Variants in MID1 observed in about 807,000 individuals in gnomAD.
The protein encoded by MID1 is midline 1, also known as E3 ubiquitin-protein ligase Midline-1.
In MID1, 7 loss-of-function variants were observed where a neutral mutation model predicts 40.4. That is an observed-to-expected ratio of 0.17 (90% CI 0.10 to 0.33). The LOEUF (loss-of-function observed/expected upper bound fraction) is 0.33. Ranked by LOEUF, MID1 falls within the 10% of genes least tolerant of loss-of-function variation. MID1 has a pLI of 1.00. For synonymous variants in MID1, 229 were observed against 221.2 expected, an observed-to-expected ratio of 1.04 and a Z score of -0.31; for missense variants, 367 against 558.5, an observed-to-expected ratio of 0.66 and a Z score of 3.46.
chrX:10,585,074 C>G (rs999485082), intron 1 of MID1, among the ~76,000 whole-genome samples: 5 of 111,102 alleles, frequency 4.5e-5, no homozygotes, highest in Non-Finnish European at 9.4e-5. Flanking sequence ...TTCCTATAAT[C>G]TATAGATAAC....
In MID1 at chrX:10,473,421, T is replaced by C. The variant is rs1270504996; in HGVS notation, c.1141+1202A>G. Among the ~76,000 whole-genome samples, 4 of 112,266 alleles carry C rather than the reference T, an allele frequency of 3.6e-5. No homozygotes were observed. In the East Asian group the frequency reaches 1.1e-3, roughly 31 times the overall value. Reference sequence around the variant, plus strand: ...TACATAAGATAAGAAGTTTGTGGAATGCCTGCCTGCCTTGCTTGACAATGC... The same window carrying C: ...TACATAAGATAAGAAGTTTGTGGAACGCCTGCCTGCCTTGCTTGACAATGC... On this transcript the variant is annotated intron_variant, in intron 6 of 9. Coordinates refer to ENST00000317552, the MANE Select transcript of MID1 (RefSeq NM_000381.4).
intron 1 of MID1, among the ~76,000 whole-genome samples, chrX:10,722,431 C>T (rs2043362470): frequency 8.9e-6 from 1 of 111,855 alleles, no homozygotes; most frequent in Non-Finnish European, 1.9e-5. Flanking sequence ...ATGGCCATTC[C>T]AGTGGGGGAA....
At chrX:10,742,984 C>T (rs1367944165) in intron 1 of MID1, among the ~76,000 whole-genome samples, 4 of 112,716 alleles carry the variant, frequency 3.5e-5, no homozygotes, top group Non-Finnish European at 5.6e-5. Context: ...TTTCAAAAGT[C>T]TTCCTTTAAA....
intron 1 of MID1, among the ~76,000 whole-genome samples, chrX:10,625,957 AT>A (rs1225542947): frequency 1.8e-5 from 2 of 111,726 alleles, no homozygotes; most frequent in African/African-American, 6.5e-5. Flanking sequence ...CCCCATCTAA[AT>A]TGTAGCAGGA....
chrX:10,757,512 A>G (rs1313858153), intron 1 of MID1, among the ~76,000 whole-genome samples: 1 of 112,487 alleles, frequency 8.9e-6, no homozygotes, highest in East Asian at 2.8e-4. Context: ...GAAAACTAAA[A>G]TGAATACTTG....
chrX:10,646,303 G>A (rs748644609), intron 1 of MID1, among the ~76,000 whole-genome samples: 1 of 112,223 alleles, frequency 8.9e-6, no homozygotes, highest in East Asian at 2.8e-4. Flanking sequence ...CTGGGAAGAA[G>A]CTGAGTGGCC....
At chrX:10,647,177 T>C (rs992155207) in intron 1 of MID1, among the ~76,000 whole-genome samples, 43 of 111,897 alleles carry the variant, frequency 3.8e-4, no homozygotes, top group Admixed American at 1.3e-3. Context: ...CTTTACTCTT[T>C]GATAGAGAAA....
chrX:10,616,473 C>T (rs1233964412), intron 1 of MID1, among the ~76,000 whole-genome samples: 3 of 112,021 alleles, frequency 2.7e-5, no homozygotes, highest in Non-Finnish European at 5.6e-5. Context: ...AAACAAATTA[C>T]TCTTTGTCCA....
At chrX:10,492,882 G>A (rs963163182) in intron 4 of MID1, among the ~76,000 whole-genome samples, 6 of 111,928 alleles carry the variant, frequency 5.4e-5, no homozygotes, top group African/African-American at 1.6e-4. Context: ...GGGGTAGAAC[G>A]AGTGCACCGA....
At chrX:10,642,230 C>T in intron 1 of MID1, among the ~76,000 whole-genome samples, 1 of 111,546 alleles carries the variant, frequency 9.0e-6, no homozygotes, top group Non-Finnish European at 1.9e-5. Context: ...TCAAATTGTC[C>T]CTCTTTGCAG....
At chrX:10,664,787 A>G (rs1569141752) in intron 1 of MID1, among the ~76,000 whole-genome samples, 2 of 112,084 alleles carry the variant, frequency 1.8e-5, no homozygotes, top group Admixed American at 9.5e-5. Flanking sequence ...ACTAACCATC[A>G]AAGTCCTTTC....
intron 3 of MID1, among the ~76,000 whole-genome samples, chrX:10,521,908 C>T (rs1245018698): frequency 8.9e-6 from 1 of 112,200 alleles, no homozygotes. Context: ...GGTGCAATCT[C>T]AGCTCACTGC....
Position 10,649,734 on chromosome X carries a change from AT to A in MID1, c.-186-29316del, listed in dbSNP as rs762481899. Among the ~76,000 whole-genome samples the A allele has an allele frequency of 2.7e-5, 3 of 111,940 alleles. No homozygotes were observed. The East Asian group carries it at 8.4e-4, about 31-fold the overall frequency. The stretch of plus-strand genomic sequence containing the variant: ...CAATGTGGAATACTGTTGATTTGGC[AT>A]GGGGAATGATCTTCAAACTTTAGTT... On this transcript the variant is annotated intron_variant, in intron 1 of 10. Coordinates refer to the MID1 transcript ENST00000380785.
rs939511816 is a variant in MID1 at position 10,591,858 on chromosome X, C to T, written c.-56-24255G>A. On this transcript the variant is annotated intron_variant, in intron 1 of 9. Coordinates refer to ENST00000317552, the MANE Select transcript of MID1 (RefSeq NM_000381.4). Reference sequence around the variant, plus strand: ...ACTCCAAAACCTCTATTTTTTCCCCCGGGTCTACCCTGTATCTCACAAAAC... The same window carrying T: ...ACTCCAAAACCTCTATTTTTTCCCCTGGGTCTACCCTGTATCTCACAAAAC... Among the ~76,000 whole-genome samples, 21 of 111,010 alleles carry T rather than the reference C, an allele frequency of 1.9e-4. No homozygotes were observed. The South Asian group carries it at 1.9e-3, about 10-fold the overall frequency.
Position 10,669,879 on chromosome X carries a change from C to T in MID1, c.-186-49460G>A, listed in dbSNP as rs144212740. Among the ~76,000 whole-genome samples the T allele has an allele frequency of 8.0e-3, 898 of 112,075 alleles. 5 individuals carry two copies. Among genetic ancestry groups the T allele is most frequent in the Non-Finnish European group, 0.012 (619 of 53,205 alleles). On this transcript the variant is annotated intron_variant, in intron 1 of 10. Coordinates refer to the MID1 transcript ENST00000380785. ...AGATAATTGCCCCAAGATATACCTA[C>T]CATTGGTCATGGGGATATAACCAAA...
chrX:10,589,748 T>G (rs1184000350), intron 1 of MID1: 1 of 110,303 alleles, frequency 9.1e-6, no homozygotes, highest in Non-Finnish European at 1.9e-5. Flanking sequence ...CTCCGGCTGG[T>G]TGGAGTCCCC....
At chrX:10,815,102 T>C (rs1602594291) in intron 1 of MID1, among the ~76,000 whole-genome samples, 1 of 112,277 alleles carries the variant, frequency 8.9e-6, no homozygotes, top group Admixed American at 9.5e-5. Context: ...TTCATATTTA[T>C]TACTTTTTAA....
intron 1 of MID1, among the ~76,000 whole-genome samples, chrX:10,743,325 G>A (rs766494882): frequency 3.6e-5 from 4 of 112,550 alleles, no homozygotes; most frequent in South Asian, 7.3e-4. Flanking sequence ...ATGTGGTGGC[G>A]ATGGGGGAAA....
chrX:10,806,690 C>A (rs1404293875), intron 1 of MID1, among the ~76,000 whole-genome samples: 1 of 112,161 alleles, frequency 8.9e-6, no homozygotes, highest in Non-Finnish European at 1.9e-5. Context: ...GTGTTTCTAT[C>A]AGGGCACTTA....
Sources: gnomAD v4.1 joint callset for allele counts (sites outside exome capture counted in the v4.1 genomes callset) on GRCh38, gnomAD v4.1.1 for gene constraint, MANE v1.5 for transcripts, NCBI Gene and HGNC (gene_info 2026-07-23, HGNC 2026-07-21) for gene names.